PCDHGA7: variants seen among roughly 807,000 people sequenced by gnomAD.
The protein encoded by PCDHGA7 is protocadherin gamma-A7.
PCDHGA7 carries 44 observed loss-of-function variants against 58.3 expected under a neutral mutation model. That is an observed-to-expected ratio of 0.75 (90% CI 0.59 to 0.97). The LOEUF (loss-of-function observed/expected upper bound fraction) is 0.97, where lower values mean the gene tolerates loss of function less well. PCDHGA7 is among the 50% of genes least tolerant of loss of function. The pLI is 0.00. For synonymous variants in PCDHGA7, 516 were observed against 504.2 expected (o/e 1.02, Z -0.31); for missense variants, 1,266 against 1,188.7 (o/e 1.06, Z -0.96).
intron 1 of PCDHGA7, among the ~76,000 whole-genome samples, chr5:141,464,625 T>C (rs1477206347): frequency 6.6e-6 from 1 of 152,190 alleles, no homozygotes; most frequent in East Asian, 1.9e-4. Context: ...TGTCAAGCTT[T>C]TTAATTGTTG....
intron 1 of PCDHGA7, among the ~76,000 whole-genome samples, chr5:141,462,897 G>A (rs2099049236): frequency 6.6e-6 from 1 of 152,130 alleles, no homozygotes; most frequent in South Asian, 2.1e-4. Context: ...TGTTTTGGAA[G>A]GCTATTATGT....
chr5:141,455,550 G>C lies in PCDHGA7; in HGVS notation c.2425-39257G>C, dbSNP rs1195359804. On this transcript the variant is annotated intron_variant, in intron 1 of 3. Transcript: ENST00000518325. ...ACCAGGCATATCATTCACGTAGCCC[G>C]AGAAAAAGCTGGCCCTCCCACCCCA... 2.0e-5 allele frequency among the ~76,000 whole-genome samples: 3 copies of C among 152,138 alleles called. No individual in the cohort carries two copies. In the South Asian group the frequency reaches 6.2e-4, roughly 32 times the overall value.
chr5:141,384,848 G>C lies in PCDHGA7; in HGVS notation c.1949G>C (p.Gly650Ala), dbSNP rs1373934020. 2 of 1,613,600 alleles carry C rather than the reference G, an allele frequency of 1.2e-6. No homozygotes were observed. The highest frequency in any genetic ancestry group is 2.2e-5 in the South Asian group (2 of 91,076). The change falls in exon 1 of 4, where the codon GGT becomes GCT. Residue 650 changes from glycine (G) to alanine (A), a missense_variant. Coordinates refer to ENST00000518325, the MANE Select transcript of PCDHGA7 (RefSeq NM_018920.4). ...QSLVVAVQDH[G>A]QPPLSATVTL... is the part of the protein sequence containing the mutation. ...CTCGTGGTGGCCGTCCAGGACCACGGTCAGCCTCCTCTGTCAGCCACCGTC... is the reference window on the plus strand; with the variant it reads ...CTCGTGGTGGCCGTCCAGGACCACGCTCAGCCTCCTCTGTCAGCCACCGTC...
chr5:141,397,809 A>G lies in PCDHGA7; in HGVS notation c.2424+12486A>G, dbSNP rs116170608. Among the ~76,000 whole-genome samples, 1,507 of 152,354 alleles carry G rather than the reference A, an allele frequency of 9.9e-3. 33 individuals carry two copies. Among genetic ancestry groups the G allele is most frequent in the African/African-American group, 0.034 (1,415 of 41,586 alleles). ...ACTTGGCTTGTTAAGTTAGGCACACAAAAACAATTACTGCACTGGTTAACT... is the reference window on the plus strand; with the variant it reads ...ACTTGGCTTGTTAAGTTAGGCACACGAAAACAATTACTGCACTGGTTAACT... On this transcript the variant is annotated intron_variant, in intron 1 of 3. Coordinates refer to ENST00000518325, the MANE Select transcript of PCDHGA7 (RefSeq NM_018920.4).
intron 1 of PCDHGA7, among the ~76,000 whole-genome samples, chr5:141,473,466 G>A (rs1217251844): frequency 1.3e-5 from 2 of 151,738 alleles, no homozygotes; most frequent in East Asian, 1.9e-4. Flanking sequence ...TTAAAGTTGT[G>A]CCAAGTTCAA....
intron 1 of PCDHGA7, chr5:141,395,373 G>C: frequency 8.4e-7 from 1 of 1,189,414 alleles, no homozygotes; most frequent in Non-Finnish European, 1.1e-6. Context: ...TATTTTGGTG[G>C]TGTTACTATA....
intron 1 of PCDHGA7, chr5:141,399,433 C>T (rs1485508239): frequency 1.9e-6 from 3 of 1,613,892 alleles, no homozygotes; most frequent in Non-Finnish European, 2.5e-6. Flanking sequence ...AAGCGTCATC[C>T]TACATATCAG....
chr5:141,391,797 A>G (rs1283933191), intron 1 of PCDHGA7: 1 of 152,180 alleles, frequency 6.6e-6, no homozygotes, highest in African/African-American at 2.4e-5. Context: ...AGTTTTTTAG[A>G]TCAAAGTGTT....
chr5:141,498,053 G>A (rs2099781284), intron 2 of PCDHGA7, among the ~76,000 whole-genome samples: 1 of 152,204 alleles, frequency 6.6e-6, no homozygotes, highest in Non-Finnish European at 1.5e-5. Flanking sequence ...AAATAAATGT[G>A]AGACTGAAAC....
Position 141,433,059 on chromosome 5 carries a change from A to G in PCDHGA7, c.2424+47736A>G, listed in dbSNP as rs745951077. 1.1e-5 allele frequency: 18 copies of G among 1,614,000 alleles called. No individual in the cohort carries two copies. In the East Asian group the frequency reaches 3.8e-4, roughly 34 times the overall value. On this transcript the variant is annotated intron_variant, in intron 1 of 3. Transcript: ENST00000518325. ...CTCACCACGGACTCGCGGAAGAGTC[A>G]CCTGATCTTCCCCCAGCCCAACTAT...
intron 1 of PCDHGA7, chr5:141,419,427 A>C: frequency 1.2e-6 from 2 of 1,613,290 alleles, no homozygotes; most frequent in Non-Finnish European, 1.7e-6. Context: ...TTCGACCACG[A>C]GCAGCTGCGC....
chr5:141,440,527 T>G (rs1282939317), intron 1 of PCDHGA7: 3 of 152,222 alleles, frequency 2.0e-5, no homozygotes, highest in African/African-American at 7.2e-5. Context: ...TGAAGAATCA[T>G]GCACCACGGT....
intron 1 of PCDHGA7, among the ~76,000 whole-genome samples, chr5:141,425,668 T>C (rs2096887740): frequency 1.3e-5 from 2 of 152,260 alleles, no homozygotes; most frequent in South Asian, 4.1e-4. Context: ...GCACATCAGA[T>C]TGAAAATAAT....
In PCDHGA7 at chr5:141,423,972, T is replaced by C. The variant is rs1459859824; in HGVS notation, c.2424+38649T>C. ...TTTAGTATTATTTTTCTATTATCAG[T>C]GTATGAGGCTCTCAATTTATTATAT... On this transcript the variant is annotated intron_variant, in intron 1 of 3. Transcript: ENST00000518325. 4 of 1,128,544 alleles carry C rather than the reference T, an allele frequency of 3.5e-6. No homozygotes were observed. The East Asian group carries it at 1.9e-4, about 53-fold the overall frequency. The allele number at this position is 1,128,544 out of a possible 1,614,324, so 69.9% of individuals were successfully genotyped here.
Position 141,456,465 on chromosome 5 carries a change from C to T in PCDHGA7, c.2425-38342C>T, listed in dbSNP as rs553441797. ...ACAGAGTCCAAATATCAATACAAGA[C>T]ATATAAGCAAGAGAGTGCTTAATAA... On this transcript the variant is annotated intron_variant, in intron 1 of 3. Coordinates refer to ENST00000518325, the MANE Select transcript of PCDHGA7 (RefSeq NM_018920.4). 2.6e-5 allele frequency among the ~76,000 whole-genome samples: 4 copies of T among 152,212 alleles called. No homozygotes were observed. In the East Asian group the frequency reaches 7.7e-4, roughly 29 times the overall value.
At chr5:141,488,331 T>C (rs535498873) in intron 1 of PCDHGA7, among the ~76,000 whole-genome samples, 22 of 152,218 alleles carry the variant, frequency 1.4e-4, no homozygotes, top group Non-Finnish European at 3.1e-4. Context: ...TACAGTTGGC[T>C]GATTCATAGA....
chr5:141,442,797 G>A (rs140116155), intron 1 of PCDHGA7, among the ~76,000 whole-genome samples: 1,916 of 152,222 alleles, frequency 0.013, 22 homozygotes, highest in Non-Finnish European at 0.02. Context: ...ATTTTACTTT[G>A]ATATTCAAAT....
Position 141,392,253 on chromosome 5 carries a change from T to C in PCDHGA7, c.2424+6930T>C, listed in dbSNP as rs1051019631. ...GTTCTTAGTTATTTGTTAGTATATATTGGAGACATTTACAATAAAGCTTAG... is the reference window on the plus strand; with the variant it reads ...GTTCTTAGTTATTTGTTAGTATATACTGGAGACATTTACAATAAAGCTTAG... On this transcript the variant is annotated intron_variant, in intron 1 of 3. Transcript: ENST00000518325. 3.9e-5 allele frequency: 6 copies of C among 152,218 alleles called. No individual in the cohort carries two copies. The South Asian group carries it at 6.2e-4, about 16-fold the overall frequency. The allele number at this position is 152,218 out of a possible 1,614,324, so 9.4% of individuals were successfully genotyped here. A position where few individuals can be genotyped will look rare whatever the true frequency, so the allele number is the denominator to read the frequency against.
intron 1 of PCDHGA7, chr5:141,394,998 G>C: frequency 2.5e-6 from 4 of 1,614,010 alleles, no homozygotes; most frequent in Non-Finnish European, 3.4e-6. Context: ...CCAGGATTCC[G>C]GTGGCAGATT....
Sources: allele counts gnomAD v4.1 joint callset (sites outside exome capture counted in the v4.1 genomes callset), GRCh38; gene constraint gnomAD v4.1.1; transcripts MANE v1.5; gene names NCBI Gene and HGNC (gene_info 2026-07-23, HGNC 2026-07-21).